RABGAP1: variants seen among roughly 807,000 people sequenced by gnomAD.
The protein encoded by RABGAP1 is rab GTPase-activating protein 1.
Under a neutral mutation model 137.6 loss-of-function variants are expected in RABGAP1, and 23 were observed. The observed-to-expected ratio is 0.17, with a 90% CI of 0.12 to 0.24. The LOEUF is 0.24. Among genes scored for constraint, RABGAP1 ranks in the 10% least tolerant of loss-of-function variants. RABGAP1 has a pLI of 1.00. For missense variants in RABGAP1, 906 were observed against 1,275.8 expected, an observed-to-expected ratio of 0.71 and a Z score of 4.42; for synonymous variants, 451 against 450.7, an observed-to-expected ratio of 1.00 and a Z score of -0.01.
At chr9:122,995,997 C>T in intron 6 of RABGAP1, 44 bp from the exon 7 acceptor site, 2 of 1,542,260 alleles carry the variant, frequency 1.3e-6, no homozygotes, top group Non-Finnish European at 1.7e-6. Flanking sequence ...TAGTATGTGA[C>T]AAGAAAATGC....
At chr9:122,977,419 A>T (rs557799496) in intron 2 of RABGAP1, among the ~76,000 whole-genome samples, 39 of 152,220 alleles carry the variant, frequency 2.6e-4, no homozygotes, top group Non-Finnish European at 5.0e-4. Flanking sequence ...AAAAGGATGC[A>T]GGAGGGCTGG....
chr9:122,996,315 T>C (rs1228945225), intron 7 of RABGAP1, 164 bp downstream of exon 7: 1 of 1,293,266 alleles, frequency 7.7e-7, no homozygotes, highest in Non-Finnish European at 1.0e-6. Flanking sequence ...AAATAGCTAC[T>C]ATAAATAATC....
chr9:122,951,244 C>G (rs944840112), intron 1 of RABGAP1, among the ~76,000 whole-genome samples: 16 of 152,238 alleles, frequency 1.1e-4, no homozygotes, highest in Admixed American at 2.0e-4. Context: ...ATGTCAGGTT[C>G]AATTATTAGT....
intron 19 of RABGAP1, among the ~76,000 whole-genome samples, chr9:123,084,305 G>A (rs1393376713): frequency 6.6e-6 from 1 of 152,194 alleles, no homozygotes; most frequent in African/African-American, 2.4e-5. Context: ...CAGGAAGATA[G>A]ACTTGTGTCA....
chr9:123,039,671 C>A (rs578199925), intron 13 of RABGAP1, among the ~76,000 whole-genome samples: 1 of 152,074 alleles, frequency 6.6e-6, no homozygotes, highest in Non-Finnish European at 1.5e-5. Context: ...TAGCTTCGGC[C>A]CAGAGAACTT....
chr9:123,097,800 T>A lies in RABGAP1; in HGVS notation c.2688T>A (p.Ile896=), dbSNP rs144252035. ...TGCTGATGACCAAACAGAAGTTGAT[T>A]GATGCAGAAGAAGAGAAAAGACGGC... ...KELLMTKQKL[I]DAEEEKRRLE... The change falls in exon 22 of 26, where the codon ATT becomes ATA. Residue 896 remains isoleucine (I), a synonymous_variant. Coordinates refer to ENST00000373647, the MANE Select transcript of RABGAP1 (RefSeq NM_012197.4). 6.2e-7 allele frequency: 1 copy of A among 1,614,006 alleles called. No homozygotes were observed. The highest frequency in any genetic ancestry group is 1.3e-5 in the African/African-American group (1 of 75,022).
chr9:122,938,175 A>T (rs1322812966), upstream of RABGAP1: 1 of 152,174 alleles, frequency 6.6e-6, no homozygotes, highest in Non-Finnish European at 1.5e-5. Flanking sequence ...TCCTTAGCTC[A>T]AGCCTTCCTC....
chr9:122,986,881 A>G (rs1836398610), intron 4 of RABGAP1, among the ~76,000 whole-genome samples: 3 of 152,170 alleles, frequency 2.0e-5, no homozygotes, highest in Non-Finnish European at 4.4e-5. Flanking sequence ...TAATCCCAGC[A>G]TTTTGGGAGG....
intron 13 of RABGAP1, among the ~76,000 whole-genome samples, chr9:123,056,438 G>A (rs1329960855): frequency 6.6e-6 from 1 of 151,720 alleles, no homozygotes; most frequent in Non-Finnish European, 1.5e-5. Flanking sequence ...AATTGGCAGG[G>A]CCACTCAAAA....
At chr9:122,965,939 A>T (rs1678937075) in intron 2 of RABGAP1, among the ~76,000 whole-genome samples, 1 of 152,154 alleles carries the variant, frequency 6.6e-6, no homozygotes, top group Non-Finnish European at 1.5e-5. Context: ...AGTAAATTAG[A>T]TATAGGGTAT....
At chr9:123,034,842 C>T (rs751966743) in intron 13 of RABGAP1, 6 of 1,613,970 alleles carry the variant, frequency 3.7e-6, no homozygotes, top group Non-Finnish European at 5.1e-6. Flanking sequence ...TCCTCCATCA[C>T]CCCCTTCCAG....
chr9:122,975,849 T>C (rs1419819493), intron 2 of RABGAP1, among the ~76,000 whole-genome samples: 4 of 152,210 alleles, frequency 2.6e-5, no homozygotes, highest in Non-Finnish European at 5.9e-5. Flanking sequence ...ATCCTCATTT[T>C]AGAGATGAGA....
intron 13 of RABGAP1, chr9:123,029,845 G>A (rs988685835): frequency 2.6e-6 from 1 of 379,982 alleles, no homozygotes; most frequent in Non-Finnish European, 5.0e-6. Context: ...ATAAGTGGTA[G>A]TTGACACTAA....
At position 123,103,959 on chromosome 9, in the gene RABGAP1, GTGTT is replaced by G. The variant is rs1266659306; in HGVS notation, c.*750_*753del. The G allele has an allele frequency of 2.7e-4, 17 of 63,588 alleles. No individual in the cohort carries two copies. The highest frequency in any genetic ancestry group is 7.8e-4 in the African/African-American group (17 of 21,886). 3.9% of individuals were successfully genotyped at this position (63,588 alleles called of 1,614,324 possible). A position where few individuals can be genotyped will look rare whatever the true frequency, so the allele number is the denominator to read the frequency against. On this transcript the variant is annotated 3_prime_UTR_variant, in exon 26 of 26. Transcript: ENST00000373647. Reference sequence around the variant, plus strand: ...ATGGACAAATCTTATTTTGCTTAATGTGTTTGTGTGTGTGTGTGTGTGTGTGTGT... The same window carrying G: ...ATGGACAAATCTTATTTTGCTTAATGTGTGTGTGTGTGTGTGTGTGTGTGT...
At chr9:122,952,084 T>TA (rs758893656) in intron 1 of RABGAP1, among the ~76,000 whole-genome samples, 19 of 152,232 alleles carry the variant, frequency 1.2e-4, no homozygotes, top group Admixed American at 2.6e-4. Context: ...ATAATGAAAA[T>TA]AAAGCATAAT....
At chr9:123,035,578 G>T in intron 13 of RABGAP1, 1 of 1,604,112 alleles carries the variant, frequency 6.2e-7, no homozygotes, top group Middle Eastern at 1.7e-4. Flanking sequence ...CCCTTACACA[G>T]TTAGAAGCAA....
chr9:123,018,182 G>A (rs2031373798), intron 12 of RABGAP1, among the ~76,000 whole-genome samples: 2 of 152,120 alleles, frequency 1.3e-5, no homozygotes, highest in Admixed American at 1.3e-4. Flanking sequence ...TTTTAGTAGA[G>A]ACAGGGTTTC....
intron 6 of RABGAP1, chr9:122,990,426 T>C (rs1384915865): frequency 8.9e-6 from 3 of 336,220 alleles, no homozygotes; most frequent in Non-Finnish European, 1.6e-5. Context: ...ATTGGGAACA[T>C]GTTGCTACCT....
intron 2 of RABGAP1, among the ~76,000 whole-genome samples, chr9:122,974,880 C>T (rs969657200): frequency 6.6e-6 from 1 of 152,054 alleles, no homozygotes; most frequent in Non-Finnish European, 1.5e-5. Context: ...TAAAGTAAAT[C>T]ATAAAGAAAT....
Sources: allele counts gnomAD v4.1 joint callset (sites outside exome capture counted in the v4.1 genomes callset), GRCh38; gene constraint gnomAD v4.1.1; transcripts MANE v1.5; gene names NCBI Gene and HGNC (gene_info 2026-07-23, HGNC 2026-07-21).